The following NPY2R variants were observed in gnomAD, a reference collection of about 807,000 sequenced individuals.
NPY2R encodes neuropeptide Y receptor type 2.
In NPY2R, 17 loss-of-function variants were observed where a neutral mutation model predicts 22.3. That is an observed-to-expected ratio of 0.76 (90% CI 0.52 to 1.14). The LOEUF is 1.14. Ranked by LOEUF, NPY2R falls within the 50% of genes most tolerant of loss-of-function variation. NPY2R has a pLI of 0.00. For missense variants in NPY2R, 424 were observed against 467.9 expected, an observed-to-expected ratio of 0.91 and a Z score of 0.87; for synonymous variants, 209 against 183.4, an observed-to-expected ratio of 1.14 and a Z score of -1.13.
In NPY2R at chr4:155,214,297, C is replaced by T. The variant is rs1318700369; in HGVS notation, c.358C>T (p.Pro120Ser). The T allele has an allele frequency of 4.3e-6, 7 of 1,614,004 alleles. No individual in the cohort carries two copies. In the Admixed American group the frequency reaches 5.0e-5, roughly 12 times the overall value. Reference sequence around the variant, plus strand: ...CTTAATGGGGGAGTGGAAAATGGGTCCTGTCCTGTGCCACCTGGTGCCCTA... The same window carrying T: ...CTTAATGGGGGAGTGGAAAATGGGTTCTGTCCTGTGCCACCTGGTGCCCTA... ...YTLMGEWKMG[P>S]VLCHLVPYAQ... Residue 120 changes from proline to serine, a missense_variant, in exon 2 of 2, where the codon CCT becomes TCT. Pro to Ser is a moderately conservative substitution (Grantham distance 74). Transcript: ENST00000329476.
rs1343157378 is a variant in NPY2R, at chr4:155,214,150, G to C, written c.211G>C (p.Val71Leu). The change falls in exon 2 of 2, where the codon GTG becomes CTG. Residue 71 changes from valine to leucine, a missense_variant. By Grantham distance (32) the Val-to-Leu change is conservative. Transcript: ENST00000329476. The part of the protein sequence containing the change: ...ILLGVIGNSL[V>L]IHVVIKFKSM... ...GCTTGGGGTAATTGGCAACTCCTTGGTGATCCATGTGGTGATCAAATTCAA... is the reference window on the plus strand; with the variant it reads ...GCTTGGGGTAATTGGCAACTCCTTGCTGATCCATGTGGTGATCAAATTCAA... The C allele has an allele frequency of 6.2e-7, 1 of 1,613,770 alleles. No individual in the cohort carries two copies. The highest frequency in any genetic ancestry group is 8.5e-7 in the Non-Finnish European group (1 of 1,179,690).
chr4:155,178,200 T>G, the NPY2R span, among the ~76,000 whole-genome samples: 3 of 152,176 alleles, frequency 2.0e-5, no homozygotes, highest in Non-Finnish European at 2.9e-5. Flanking sequence ...TCCTTGTATC[T>G]TAACTACTGT....
At chr4:155,190,162 G>A in the NPY2R span, among the ~76,000 whole-genome samples, 1 of 152,042 alleles carries the variant, frequency 6.6e-6, no homozygotes, top group Non-Finnish European at 1.5e-5. Context: ...TTGAATTCAA[G>A]TAAAATTTTA....
the NPY2R span, among the ~76,000 whole-genome samples, chr4:155,201,129 T>C: frequency 6.6e-6 from 1 of 152,106 alleles, no homozygotes; most frequent in African/African-American, 2.4e-5. Context: ...ATTCCTTCCC[T>C]CCATTGTATA....
the NPY2R span, among the ~76,000 whole-genome samples, chr4:155,189,212 A>C: frequency 1.3e-5 from 2 of 152,040 alleles, no homozygotes; most frequent in African/African-American, 4.8e-5. Context: ...GTACATTATC[A>C]GTACAATAAT....
upstream of NPY2R, chr4:155,208,093 G>C (rs539591842): frequency 2.6e-5 from 4 of 152,382 alleles, no homozygotes; most frequent in Admixed American, 2.6e-4. The surrounding 1 kb of genome is among the most constrained non-coding windows in gnomAD (Gnocchi z 5.6). Flanking sequence ...AGCCCTGGGC[G>C]AGGGTGCGGA....
upstream of NPY2R, among the ~76,000 whole-genome samples, chr4:155,204,227 G>A (rs1729240980): frequency 6.6e-6 from 1 of 151,456 alleles, no homozygotes; most frequent in African/African-American, 2.4e-5. Context: ...GAAAAAGCTA[G>A]CTTTCTGGCA....
the NPY2R span, among the ~76,000 whole-genome samples, chr4:155,184,576 C>A: frequency 6.6e-6 from 1 of 152,270 alleles, no homozygotes; most frequent in East Asian, 1.9e-4. Flanking sequence ...CCAGGAATGA[C>A]CCATGAAGCT....
At chr4:155,192,237 C>T in the NPY2R span, among the ~76,000 whole-genome samples, 2 of 151,970 alleles carry the variant, frequency 1.3e-5, no homozygotes, top group South Asian at 2.1e-4. Flanking sequence ...CGTTAGCTGA[C>T]CTGTTGATGT....
At chr4:155,192,815 C>A in the NPY2R span, among the ~76,000 whole-genome samples, 1 of 151,882 alleles carries the variant, frequency 6.6e-6, no homozygotes, top group Non-Finnish European at 1.5e-5. Context: ...GTTTTCTAGA[C>A]CCAGTCTCTG....
In NPY2R at chr4:155,214,869, C is replaced by G. The variant is rs141206009; in HGVS notation, c.930C>G (p.Phe310Leu). The change falls in exon 2 of 2, where the codon TTC (phenylalanine) becomes TTG (leucine). Residue 310 changes from phenylalanine (F) to leucine (L), a missense_variant. By Grantham distance (22) the Phe-to-Leu change is conservative (BLOSUM62 0). Transcript: ENST00000329476. Reference protein sequence around the residue: ...LKEYKLIFTVFHIIAMCSTFA... With the variant: ...LKEYKLIFTVLHIIAMCSTFA... ...AGTACAAACTCATCTTCACAGTGTTCCACATCATCGCCATGTGCTCCACTT... is the reference window on the plus strand; with the variant it reads ...AGTACAAACTCATCTTCACAGTGTTGCACATCATCGCCATGTGCTCCACTT... The G allele has an allele frequency of 3.7e-6, 6 of 1,610,252 alleles. No homozygotes were observed. In the African/African-American group the frequency reaches 5.4e-5, roughly 14 times the overall value.
At chr4:155,199,236 C>T in the NPY2R span, among the ~76,000 whole-genome samples, 1 of 151,902 alleles carries the variant, frequency 6.6e-6, no homozygotes, top group East Asian at 1.9e-4. Context: ...TGGAAAATTG[C>T]TCTTTAATGT....
chr4:155,213,930 T>G lies in NPY2R; in HGVS notation c.-10T>G. On this transcript the variant is annotated 5_prime_UTR_variant, in exon 2 of 2. Transcript: ENST00000329476. ...GTGCTGGTTGCAGGCCAAGTGGACC[T>G]GTACTGAAAATGGGTCCAATAGGTG... 1.9e-6 allele frequency: 3 copies of G among 1,612,272 alleles called. No homozygotes were observed. Among genetic ancestry groups the G allele is most frequent in the Non-Finnish European group, 2.5e-6 (3 of 1,178,626 alleles).
chr4:155,193,393 G>T, the NPY2R span, among the ~76,000 whole-genome samples: 5 of 151,902 alleles, frequency 3.3e-5, no homozygotes, highest in East Asian at 9.7e-4. Context: ...CGAGGCCACA[G>T]CTATCTCTGT....
At chr4:155,195,265 AT>A in the NPY2R span, among the ~76,000 whole-genome samples, 3 of 151,832 alleles carry the variant, frequency 2.0e-5, no homozygotes, top group Admixed American at 6.6e-5. Flanking sequence ...CTTCATATGT[AT>A]TTATCCCTTT....
At chr4:155,191,756 T>G in the NPY2R span, among the ~76,000 whole-genome samples, 1 of 151,900 alleles carries the variant, frequency 6.6e-6, no homozygotes, top group Non-Finnish European at 1.5e-5. Flanking sequence ...CTTGTGGACT[T>G]TCTAGTGTAC....
At chr4:155,205,981 C>G (rs1430940933), upstream of NPY2R, among the ~76,000 whole-genome samples, 2 of 152,130 alleles carry the variant, frequency 1.3e-5, no homozygotes, top group Non-Finnish European at 2.9e-5. Context: ...TCGTATCTGA[C>G]AATACTGAAT....
Position 155,216,743 on chromosome 4 carries a change from A to G in NPY2R, c.*1658A>G, listed in dbSNP as rs777153718. 6.0e-6 allele frequency: 1 copy of G among 167,096 alleles called. No individual in the cohort carries two copies. Among genetic ancestry groups the G allele is most frequent in the Non-Finnish European group, 1.5e-5 (1 of 68,100 alleles). The allele number at this position is 167,096 out of a possible 1,614,324, so 10.4% of individuals were successfully genotyped here. A position where few individuals can be genotyped will look rare whatever the true frequency, so the allele number is the denominator to read the frequency against. On this transcript the variant is annotated 3_prime_UTR_variant, in exon 2 of 2. Transcript: ENST00000329476. Reference sequence around the variant, plus strand: ...GTAAGACTTTAAGAAGCGAACAAAAAGTAATGTATATCTGTAATATATAAT... The same window carrying G: ...GTAAGACTTTAAGAAGCGAACAAAAGGTAATGTATATCTGTAATATATAAT...
chr4:155,199,548 C>A, the NPY2R span, among the ~76,000 whole-genome samples: 3 of 151,930 alleles, frequency 2.0e-5, no homozygotes, highest in Non-Finnish European at 2.9e-5. Context: ...AAAAAAGAGC[C>A]CATATAGCCA....
Sources: allele counts gnomAD v4.1 joint callset (sites outside exome capture counted in the v4.1 genomes callset), GRCh38; gene constraint gnomAD v4.1.1; non-coding constraint Gnocchi (gnomAD v3.1); transcripts MANE v1.5; gene names NCBI Gene and HGNC (gene_info 2026-07-23, HGNC 2026-07-21).